The following SFT2D3 variants were observed in gnomAD, a reference collection of about 807,000 sequenced individuals.
SFT2D3 encodes SFT2 domain containing 3, also known as vesicle transport protein SFT2C.
For missense variants in SFT2D3, 405 were observed against 334.6 expected (o/e 1.21, Z -1.64); for synonymous variants, 239 against 191.2 (o/e 1.25, Z -2.06).
Position 127,703,931 on chromosome 2 carries a change from AAC to A in SFT2D3, c.*1759_*1760del. 6.0e-6 allele frequency: 1 copy of A among 166,904 alleles called. No homozygotes were observed. The highest frequency in any genetic ancestry group is 1.9e-4 in the East Asian group (1 of 5,192). The allele number at this position is 166,904 out of a possible 1,614,324, so 10.3% of individuals were successfully genotyped here. On this transcript the variant is annotated 3_prime_UTR_variant, in exon 1 of 1. Coordinates refer to ENST00000310981, the MANE Select transcript of SFT2D3 (RefSeq NM_032740.4). The stretch of plus-strand genomic sequence containing the variant: ...CCAGGAGTTCAAGACCAGCCTGGGC[AAC>A]ACAGTTAAACCCCATCGCCACAGAA...
At position 127,701,609 on chromosome 2, in the gene SFT2D3, C is replaced by T; in HGVS notation, c.81C>T (p.Leu27=). Residue 27 remains leucine (L), a synonymous_variant, in exon 1 of 1, where the codon CTC becomes CTT. Coordinates refer to ENST00000310981, the MANE Select transcript of SFT2D3 (RefSeq NM_032740.4). ...GCCCGGCGGCCGCGGAGCCGCTGCT[C>T]GCCGCGGAGAAGGCGGAGGAGCCCG... is the stretch of plus-strand genomic sequence containing the variant. ...AGGPAAAEPL[L]AAEKAEEPGD... The T allele has an allele frequency of 1.5e-6, 2 of 1,345,854 alleles. No individual in the cohort carries two copies. Among genetic ancestry groups the T allele is most frequent in the Admixed American group, 3.5e-5 (1 of 28,460 alleles). 83.4% of individuals were successfully genotyped at this position (1,345,854 alleles called of 1,614,324 possible).
rs762476954 is a variant in SFT2D3 at position 127,704,237 on chromosome 2, A to C, written c.*2061A>C. On this transcript the variant is annotated 3_prime_UTR_variant, in exon 1 of 1. Transcript: ENST00000310981. ...TTTTAAATGCCATATATATTTAATA[A>C]GTATAATGTAGAGGTTTATTGTTTA... 6.0e-6 allele frequency: 1 copy of C among 166,818 alleles called. No individual in the cohort carries two copies. The highest frequency in any genetic ancestry group is 1.5e-5 in the Non-Finnish European group (1 of 68,092). 10.3% of individuals were successfully genotyped at this position (166,818 alleles called of 1,614,324 possible).
rs536816850 is a variant in SFT2D3 at position 127,701,637 on chromosome 2, G to A, written c.109G>A (p.Asp37Asn). Residue 37 changes from aspartate to asparagine, a missense_variant, in exon 1 of 1, where the codon GAC becomes AAC. Physicochemically the swap from Asp to Asn is conservative, Grantham distance 23. Transcript: ENST00000310981. ...CGCGGAGAAGGCGGAGGAGCCCGGG[G>A]ACCGGCCGGCGGAGGAGTGGCTGGG... is the stretch of plus-strand genomic sequence containing the variant. ...LAAEKAEEPG[D>N]RPAEEWLGRA... is the part of the protein sequence containing the mutation. 6.8e-6 allele frequency: 9 copies of A among 1,319,658 alleles called. No homozygotes were observed. The highest frequency in any genetic ancestry group is 3.9e-5 in the Admixed American group (1 of 25,336). The allele number at this position is 1,319,658 out of a possible 1,614,324, so 81.7% of individuals were successfully genotyped here.
Position 127,703,883 on chromosome 2 carries a change from C to T in SFT2D3, c.*1707C>T. On this transcript the variant is annotated 3_prime_UTR_variant, in exon 1 of 1. Coordinates refer to ENST00000310981, the MANE Select transcript of SFT2D3 (RefSeq NM_032740.4). ...CTGTAATCCCAGCATTTTGGGAGGC[C>T]AAGGCGGGAGGATCACTTGAGGCCA... 1 of 166,568 alleles carries T rather than the reference C, an allele frequency of 6.0e-6. No individual in the cohort carries two copies. The allele number at this position is 166,568 out of a possible 1,614,324, so 10.3% of individuals were successfully genotyped here.
chr2:127,701,993 C>A lies in SFT2D3; in HGVS notation c.465C>A (p.Ala155=). ...PALLYMAALG[A]TLFAALGLRS... ...TGCTCTACATGGCAGCGCTGGGCGC[C>A]ACGCTGTTCGCCGCGCTGGGCCTTC... Residue 155 remains alanine, a synonymous_variant, in exon 1 of 1, where the codon GCC becomes GCA. Transcript: ENST00000310981. 5 of 1,337,108 alleles carry A rather than the reference C, an allele frequency of 3.7e-6. No individual in the cohort carries two copies. Among genetic ancestry groups the A allele is most frequent in the Admixed American group, 4.0e-5 (1 of 25,246 alleles). The allele number at this position is 1,337,108 out of a possible 1,614,324, so 82.8% of individuals were successfully genotyped here. A position where few individuals can be genotyped will look rare whatever the true frequency, so the allele number is the denominator to read the frequency against.
In SFT2D3 at chr2:127,702,045, G is replaced by A. The variant is rs1476521159; in HGVS notation, c.517G>A (p.Ala173Thr). 17 of 1,232,260 alleles carry A rather than the reference G, an allele frequency of 1.4e-5. No individual in the cohort carries two copies. Among genetic ancestry groups the A allele is most frequent in the Non-Finnish European group, 1.7e-5 (17 of 989,560 alleles). The allele number at this position is 1,232,260 out of a possible 1,614,324, so 76.3% of individuals were successfully genotyped here. ...CAGCACGCTGCTCACGGTGCTGGGCGCGGGCGCGCAGGTGGCCGCGCTGCT... is the reference window on the plus strand; with the variant it reads ...CAGCACGCTGCTCACGGTGCTGGGCACGGGCGCGCAGGTGGCCGCGCTGCT... ...LRSTLLTVLG[A>T]GAQVAALLAA... The change falls in exon 1 of 1, where the codon GCG becomes ACG. Residue 173 changes from alanine to threonine, a missense_variant. Physicochemically the swap from Ala to Thr is moderately conservative, Grantham distance 58 (BLOSUM62 0). Transcript: ENST00000310981.
Position 127,703,202 on chromosome 2 carries a change from C to G in SFT2D3, c.*1026C>G, listed in dbSNP as rs1470648755. On this transcript the variant is annotated 3_prime_UTR_variant, in exon 1 of 1. Transcript: ENST00000310981. ...ATATTTAGAATTTAAACATTGTGTG[C>G]CAGTGGTCCTCGCGCTTGACTGCAC... The G allele has an allele frequency of 1.2e-5, 2 of 167,092 alleles. No individual in the cohort carries two copies. Among genetic ancestry groups the G allele is most frequent in the East Asian group, 3.9e-4 (2 of 5,184 alleles). The allele number at this position is 167,092 out of a possible 1,614,324, so 10.4% of individuals were successfully genotyped here.
At position 127,702,298 on chromosome 2, in the gene SFT2D3, GC is replaced by G; in HGVS notation, c.*124del. 9.9e-7 allele frequency: 1 copy of G among 1,013,144 alleles called. No homozygotes were observed. The highest frequency in any genetic ancestry group is 1.2e-6 in the Non-Finnish European group (1 of 800,676). 62.8% of individuals were successfully genotyped at this position (1,013,144 alleles called of 1,614,324 possible). On this transcript the variant is annotated 3_prime_UTR_variant, in exon 1 of 1. Coordinates refer to ENST00000310981, the MANE Select transcript of SFT2D3 (RefSeq NM_032740.4). ...CCGTGGCGAAGGCCCTGCCCTAACA[GC>G]CTGCGAGTCTAATCCGGGAGCGGCT...
chr2:127,703,028 T>A lies in SFT2D3; in HGVS notation c.*852T>A, dbSNP rs1685931544. ...TACAATTTGCAGGCTGATCTTAAGA[T>A]TTTTTTATATCTAATTGCTGCTGCC... On this transcript the variant is annotated 3_prime_UTR_variant, in exon 1 of 1. Coordinates refer to ENST00000310981, the MANE Select transcript of SFT2D3 (RefSeq NM_032740.4). The A allele has an allele frequency of 2.4e-5, 4 of 167,056 alleles. No individual in the cohort carries two copies. 10.3% of individuals were successfully genotyped at this position (167,056 alleles called of 1,614,324 possible). A position where few individuals can be genotyped will look rare whatever the true frequency, so the allele number is the denominator to read the frequency against.
Position 127,701,651 on chromosome 2 carries a change from G to A in SFT2D3, c.123G>A (p.Glu41=). The change falls in exon 1 of 1, where the codon GAG becomes GAA. Residue 41 remains glutamate, a synonymous_variant. Transcript: ENST00000310981. ...AGGAGCCCGGGGACCGGCCGGCGGA[G>A]GAGTGGCTGGGCCGCGCGGGCTTGC... ...KAEEPGDRPA[E]EWLGRAGLRW... is the part of the protein sequence containing the mutation. The A allele has an allele frequency of 8.5e-6, 11 of 1,299,276 alleles. No individual in the cohort carries two copies. Among genetic ancestry groups the A allele is most frequent in the Non-Finnish European group, 1.1e-5 (11 of 1,028,376 alleles). The allele number at this position is 1,299,276 out of a possible 1,614,324, so 80.5% of individuals were successfully genotyped here. A position where few individuals can be genotyped will look rare whatever the true frequency, so the allele number is the denominator to read the frequency against.
At position 127,704,926 on chromosome 2, in the gene SFT2D3, A is replaced by C. The variant is rs1241662532; in HGVS notation, c.*2750A>C. Reference sequence around the variant, plus strand: ...AAAGTGGTGAAACTCCATCTCTACAAAAAACACACACACAAAAAATTAGCT... The same window carrying C: ...AAAGTGGTGAAACTCCATCTCTACACAAAACACACACACAAAAAATTAGCT... On this transcript the variant is annotated 3_prime_UTR_variant, in exon 1 of 1. Coordinates refer to ENST00000310981, the MANE Select transcript of SFT2D3 (RefSeq NM_032740.4). 1.3e-5 allele frequency: 2 copies of C among 158,398 alleles called. No homozygotes were observed. Among genetic ancestry groups the C allele is most frequent in the Non-Finnish European group, 2.9e-5 (2 of 68,102 alleles). The allele number at this position is 158,398 out of a possible 1,614,324, so 9.8% of individuals were successfully genotyped here.
rs937972561 is a variant in SFT2D3 at position 127,702,220 on chromosome 2, C to T, written c.*44C>T. ...GCTGGGGAAGTACGCGGAGCCAGCGCCGTCGGAGACCGCGCCGGCCGAGCT... is the reference window on the plus strand; with the variant it reads ...GCTGGGGAAGTACGCGGAGCCAGCGTCGTCGGAGACCGCGCCGGCCGAGCT... On this transcript the variant is annotated 3_prime_UTR_variant, in exon 1 of 1. Transcript: ENST00000310981. 16 of 1,199,700 alleles carry T rather than the reference C, an allele frequency of 1.3e-5. No individual in the cohort carries two copies. Among genetic ancestry groups the T allele is most frequent in the Non-Finnish European group, 1.4e-5 (13 of 962,126 alleles). The allele number at this position is 1,199,700 out of a possible 1,614,324, so 74.3% of individuals were successfully genotyped here.
In SFT2D3 at chr2:127,705,008, A is replaced by C. The variant is rs1015229686; in HGVS notation, c.*2832A>C. On this transcript the variant is annotated 3_prime_UTR_variant, in exon 1 of 1. Transcript: ENST00000310981. The surrounding 1 kb of genome is among the most constrained non-coding windows in gnomAD (Gnocchi z 4.5). ...TACTAGGGAGGCTGAGGCAGGGTCA[A>C]AGCTGAAGTGAGCCGTGATTGCACC... 6.2e-6 allele frequency: 1 copy of C among 161,652 alleles called. No homozygotes were observed. Among genetic ancestry groups the C allele is most frequent in the Non-Finnish European group, 1.5e-5 (1 of 68,096 alleles). 10.0% of individuals were successfully genotyped at this position (161,652 alleles called of 1,614,324 possible). A position where few individuals can be genotyped will look rare whatever the true frequency, so the allele number is the denominator to read the frequency against.
At position 127,701,734 on chromosome 2, in the gene SFT2D3, C is replaced by G. The variant is rs1685887851; in HGVS notation, c.206C>G (p.Pro69Arg). 7.1e-7 allele frequency: 1 copy of G among 1,402,648 alleles called. No homozygotes were observed. The highest frequency in any genetic ancestry group is 9.3e-7 in the Non-Finnish European group (1 of 1,077,868). 86.9% of individuals were successfully genotyped at this position (1,402,648 alleles called of 1,614,324 possible). ...GCAGCGGCCGGCCTGACGTGCCTCC[C>G]GAGCGTGACGCGCGGGCAGCGGCTG... ...ESAAAGLTCL[P>R]SVTRGQRLAA... Residue 69 changes from proline (P) to arginine (R), a missense_variant, in exon 1 of 1, where the codon CCG becomes CGG. By Grantham distance (103) the Pro-to-Arg change is moderately radical (BLOSUM62 -2). Transcript: ENST00000310981.
At position 127,702,061 on chromosome 2, in the gene SFT2D3, CCGCGCTGCT is replaced by C. The variant is rs1685905695; in HGVS notation, c.534_542del (p.Leu180_Ala182del). 1.2e-5 allele frequency: 15 copies of C among 1,209,438 alleles called. No homozygotes were observed. Among genetic ancestry groups the C allele is most frequent in the Non-Finnish European group, 1.4e-5 (14 of 972,440 alleles). The allele number at this position is 1,209,438 out of a possible 1,614,324, so 74.9% of individuals were successfully genotyped here. A position where few individuals can be genotyped will look rare whatever the true frequency, so the allele number is the denominator to read the frequency against. ...GTGCTGGGCGCGGGCGCGCAGGTGG[CCGCGCTGCT>C]GGCCGCGCTGGTTGGGCTGCTGCCC... is the stretch of plus-strand genomic sequence containing the variant. On this transcript the variant is annotated inframe_deletion, in exon 1 of 1. Transcript: ENST00000310981.
In SFT2D3 at chr2:127,702,109, C is replaced by G; in HGVS notation, c.581C>G (p.Thr194Ser). The change falls in exon 1 of 1, where the codon ACC becomes AGC. Residue 194 changes from threonine to serine, a missense_variant. Transcript: ENST00000310981. ...LVGLLPWGGG[T>S]ALRLALGRLG... Reference sequence around the variant, plus strand: ...GGGCTGCTGCCCTGGGGCGGCGGCACCGCGCTGCGCCTCGCACTGGGTCGC... The same window carrying G: ...GGGCTGCTGCCCTGGGGCGGCGGCAGCGCGCTGCGCCTCGCACTGGGTCGC... 4 of 1,216,210 alleles carry G rather than the reference C, an allele frequency of 3.3e-6. No individual in the cohort carries two copies. Among genetic ancestry groups the G allele is most frequent in the Non-Finnish European group, 4.1e-6 (4 of 979,902 alleles). 75.3% of individuals were successfully genotyped at this position (1,216,210 alleles called of 1,614,324 possible). A position where few individuals can be genotyped will look rare whatever the true frequency, so the allele number is the denominator to read the frequency against.
chr2:127,701,999 G>C lies in SFT2D3; in HGVS notation c.471G>C (p.Leu157=), dbSNP rs1362525246. 11 of 1,324,878 alleles carry C rather than the reference G, an allele frequency of 8.3e-6. No homozygotes were observed. Among genetic ancestry groups the C allele is most frequent in the Non-Finnish European group, 1.1e-5 (11 of 1,040,712 alleles). The allele number at this position is 1,324,878 out of a possible 1,614,324, so 82.1% of individuals were successfully genotyped here. The change falls in exon 1 of 1, where the codon CTG becomes CTC. Residue 157 remains leucine (L), a synonymous_variant. Coordinates refer to ENST00000310981, the MANE Select transcript of SFT2D3 (RefSeq NM_032740.4). ...ACATGGCAGCGCTGGGCGCCACGCT[G>C]TTCGCCGCGCTGGGCCTTCGCAGCA... is the stretch of plus-strand genomic sequence containing the variant. ...LLYMAALGAT[L]FAALGLRSTL...
At position 127,701,848 on chromosome 2, in the gene SFT2D3, A is replaced by G. The variant is rs1045202832; in HGVS notation, c.320A>G (p.Lys107Arg). ...CCGGTGTTGCTGCTGCGCGCGCGCA[A>G]GTTCGCGCTGCTCTGGTCACTGGGC... is the stretch of plus-strand genomic sequence containing the variant. ...YAPVLLLRAR[K>R]FALLWSLGSA... Residue 107 changes from lysine (K) to arginine (R), a missense_variant, in exon 1 of 1, where the codon AAG (lysine) becomes AGG (arginine). Coordinates refer to ENST00000310981, the MANE Select transcript of SFT2D3 (RefSeq NM_032740.4). The G allele has an allele frequency of 1.2e-5, 18 of 1,459,574 alleles. No individual in the cohort carries two copies. Among genetic ancestry groups the G allele is most frequent in the South Asian group, 2.6e-5 (2 of 77,786 alleles). 90.4% of individuals were successfully genotyped at this position (1,459,574 alleles called of 1,614,324 possible).
At position 127,701,758 on chromosome 2, in the gene SFT2D3, T is replaced by TGGCGGCG. The variant is rs1030943861; in HGVS notation, c.240_246dup (p.Cys83ArgfsTer160). The TGGCGGCG allele has an allele frequency of 2.1e-5, 30 of 1,422,322 alleles. No homozygotes were observed. Among genetic ancestry groups the TGGCGGCG allele is most frequent in the Middle Eastern group, 2.5e-4 (1 of 4,002 alleles). 88.1% of individuals were successfully genotyped at this position (1,422,322 alleles called of 1,614,324 possible). On this transcript the variant is annotated frameshift_variant, in exon 1 of 1. Transcript: ENST00000310981. LOFTEE classifies it low-confidence loss of function (END_TRUNC). ...CCGAGCGTGACGCGCGGGCAGCGGC[T>TGGCGGCG]GGCGGCGGGCGGCGGGTGCCTGCTG... is the stretch of plus-strand genomic sequence containing the variant.
Sources: allele counts gnomAD v4.1 joint callset, GRCh38; gene constraint gnomAD v4.1.1; non-coding constraint Gnocchi (gnomAD v3.1); transcripts MANE v1.5; gene names NCBI Gene and HGNC (gene_info 2026-07-23, HGNC 2026-07-21).